WFDC1: variants seen among roughly 807,000 people sequenced by gnomAD.
WFDC1 encodes WAP four-disulfide core domain protein 1.
In WFDC1, 39 loss-of-function variants were observed where a neutral mutation model predicts 32.9. That is an observed-to-expected ratio of 1.19 (90% CI 0.92 to 1.55). WFDC1 has a LOEUF of 1.55. Among genes scored for constraint, WFDC1 ranks in the 40% most tolerant of loss-of-function variants. The probability of loss-of-function intolerance (pLI) is 0.00; values close to 1 mark genes in which losing one functional copy is unlikely to be tolerated. For synonymous variants in WFDC1, 184 were observed against 137.4 expected (o/e 1.34, Z -2.37); for missense variants, 386 against 309.5 (o/e 1.25, Z -1.85).
In WFDC1 at chr16:84,319,500, T is replaced by C. The variant is rs761981489; in HGVS notation, c.491T>C (p.Ile164Thr). Residue 164 changes from isoleucine (I) to threonine (T), a missense_variant, in exon 4 of 7, where the codon ATC becomes ACC. Physicochemically the swap from Ile to Thr is moderately conservative, Grantham distance 89. Transcript: ENST00000219454. ...LLCPSGYECHILSPGDVAEGI... is the reference protein window; with the variant it reads ...LLCPSGYECHTLSPGDVAEGI... ...TGTCCCTCGGGCTATGAGTGCCACA[T>C]CCTGAGCCCAGGTGACGTGGCCGAA... 1.4e-5 allele frequency: 23 copies of C among 1,612,808 alleles called. 1 individual carries two copies. The East Asian group carries it at 3.3e-4, about 23-fold the overall frequency.
At chr16:84,319,989 A>T (rs945935389) in intron 4 of WFDC1, among the ~76,000 whole-genome samples, 11 of 152,294 alleles carry the variant, frequency 7.2e-5, no homozygotes, top group African/African-American at 2.4e-4. Context: ...TGGATGTTTT[A>T]TATCCACGTA....
chr16:84,296,117 C>T (rs898377270), intron 1 of WFDC1, among the ~76,000 whole-genome samples: 1 of 152,108 alleles, frequency 6.6e-6, no homozygotes, highest in Non-Finnish European at 1.5e-5. Context: ...TCCGCAGGGA[C>T]GGAGTGAGCC....
At chr16:84,318,920 GTGTGT>G in intron 3 of WFDC1, 1 of 172,936 alleles carries the variant, frequency 5.8e-6, no homozygotes, top group Non-Finnish European at 1.2e-5. Context: ...TTGTGTGTGT[GTGTGT>G]GTGTGTGTGT....
chr16:84,320,749 G>C (rs962810627), intron 4 of WFDC1, among the ~76,000 whole-genome samples: 4 of 152,178 alleles, frequency 2.6e-5, no homozygotes, highest in Non-Finnish European at 5.9e-5. Context: ...CCCTGTCCCC[G>C]CTTCGGCATC....
At chr16:84,319,129 G>C (rs925064389) in intron 3 of WFDC1, 3 of 436,852 alleles carry the variant, frequency 6.9e-6, no homozygotes, top group Non-Finnish European at 1.2e-5. Flanking sequence ...CTGAGTGTGT[G>C]TTTCAGGGTG....
chr16:84,315,073 C>A (rs1213831018), intron 2 of WFDC1, among the ~76,000 whole-genome samples: 1 of 152,230 alleles, frequency 6.6e-6, no homozygotes, highest in African/African-American at 2.4e-5. Flanking sequence ...AGTTGTCTGA[C>A]TGTAGAGAAG....
intron 1 of WFDC1, among the ~76,000 whole-genome samples, chr16:84,303,836 C>T (rs536455001): frequency 8.3e-4 from 127 of 152,346 alleles, no homozygotes; most frequent in Middle Eastern, 6.8e-3. Flanking sequence ...CTTCCCTCTT[C>T]CCGCAGCCTC....
intron 1 of WFDC1, among the ~76,000 whole-genome samples, chr16:84,305,578 A>G (rs4782918): frequency 0.38 from 58,464 of 152,134 alleles, 13,471 homozygotes; most frequent in Non-Finnish European, 0.51. Context: ...ACCTAACGCT[A>G]TGGAGATGGT....
chr16:84,302,525 G>A (rs557345929), intron 1 of WFDC1, among the ~76,000 whole-genome samples: 8 of 151,868 alleles, frequency 5.3e-5, no homozygotes, highest in Non-Finnish European at 2.9e-5. Context: ...TGCCCACTCC[G>A]GCTCGTGGGT....
intron 4 of WFDC1, among the ~76,000 whole-genome samples, chr16:84,319,838 G>C (rs950889229): frequency 6.6e-6 from 1 of 152,180 alleles, no homozygotes; most frequent in Non-Finnish European, 1.5e-5. Flanking sequence ...GCGACACTGG[G>C]GTTAATTTCT....
intron 2 of WFDC1, among the ~76,000 whole-genome samples, chr16:84,314,632 T>C (rs1277725407): frequency 6.6e-6 from 1 of 152,164 alleles, no homozygotes; most frequent in African/African-American, 2.4e-5. Context: ...ATTACAGTCT[T>C]ATAATGCTCA....
chr16:84,306,659 A>T (rs1399945373), intron 1 of WFDC1, among the ~76,000 whole-genome samples: 1 of 152,240 alleles, frequency 6.6e-6, no homozygotes. Context: ...CCTGCTCTGC[A>T]GAACCCACTG....
At chr16:84,322,869 C>G (rs1908389373) in intron 4 of WFDC1, among the ~76,000 whole-genome samples, 1 of 152,194 alleles carries the variant, frequency 6.6e-6, no homozygotes, top group African/African-American at 2.4e-5. Context: ...CCCTCCTTGT[C>G]CTGCCCAAGA....
At chr16:84,318,674 T>G in intron 3 of WFDC1, 1 of 272,416 alleles carries the variant, frequency 3.7e-6, no homozygotes, top group Non-Finnish European at 7.4e-6. Context: ...CACCGCTCTC[T>G]AATGATGAAG....
Position 84,319,512 on chromosome 16 carries a change from G to C in WFDC1, c.503G>C (p.Gly168Ala). Residue 168 changes from glycine to alanine, a missense_variant, in exon 4 of 7, where the codon GGT becomes GCT. Physicochemically the swap from Gly to Ala is moderately conservative, Grantham distance 60. Transcript: ENST00000219454. Reference sequence around the variant, plus strand: ...TATGAGTGCCACATCCTGAGCCCAGGTGACGTGGCCGAAGGTATCCCCAAC... The same window carrying C: ...TATGAGTGCCACATCCTGAGCCCAGCTGACGTGGCCGAAGGTATCCCCAAC... ...SGYECHILSP[G>A]DVAEGIPNRG... 1 of 1,613,024 alleles carries C rather than the reference G, an allele frequency of 6.2e-7. No individual in the cohort carries two copies. The highest frequency in any genetic ancestry group is 8.5e-7 in the Non-Finnish European group (1 of 1,179,968).
chr16:84,298,385 G>A (rs963352524), intron 1 of WFDC1, among the ~76,000 whole-genome samples: 13 of 152,100 alleles, frequency 8.5e-5, no homozygotes, highest in Admixed American at 6.5e-4. Flanking sequence ...GTGAGCCACC[G>A]CACCCAGCCA....
intron 4 of WFDC1, among the ~76,000 whole-genome samples, chr16:84,323,746 A>T (rs1212792473): frequency 6.6e-6 from 1 of 152,264 alleles, no homozygotes; most frequent in Non-Finnish European, 1.5e-5. Flanking sequence ...AAAGAGTGTC[A>T]TCTCTTCCCC....
At chr16:84,297,310 T>C (rs965775511) in intron 1 of WFDC1, among the ~76,000 whole-genome samples, 1 of 151,898 alleles carries the variant, frequency 6.6e-6, no homozygotes, top group African/African-American at 2.4e-5. Flanking sequence ...TAGACATAGG[T>C]GAGGTTTATG....
intron 1 of WFDC1, among the ~76,000 whole-genome samples, chr16:84,297,256 C>T (rs574328410): frequency 2.0e-4 from 30 of 152,272 alleles, no homozygotes; most frequent in Non-Finnish European, 3.5e-4. Context: ...TGAATTGAAA[C>T]TTTCCCTGGT....
Sources: allele counts gnomAD v4.1 joint callset (sites outside exome capture counted in the v4.1 genomes callset), GRCh38; gene constraint gnomAD v4.1.1; transcripts MANE v1.5; gene names NCBI Gene and HGNC (gene_info 2026-07-23, HGNC 2026-07-21).